ESRRG: variants seen among roughly 807,000 people sequenced by gnomAD.
ESRRG encodes estrogen-related receptor gamma.
Under a neutral mutation model 44.0 loss-of-function variants are expected in ESRRG, and 13 were observed. That is an observed-to-expected ratio of 0.30 (90% CI 0.19 to 0.47). The LOEUF (loss-of-function observed/expected upper bound fraction) is 0.47, where lower values mean the gene tolerates loss of function less well. Among genes scored for constraint, ESRRG ranks in the 20% least tolerant of loss-of-function variants. The probability of loss-of-function intolerance (pLI) is 1.00; values close to 1 mark genes in which losing one functional copy is unlikely to be tolerated. For synonymous variants in ESRRG, 215 were observed against 214.6 expected (o/e 1.00, Z -0.02); for missense variants, 395 against 580.6 (o/e 0.68, Z 3.29).
intron 1 of ESRRG, among the ~76,000 whole-genome samples, chr1:217,041,169 G>A (rs779856469): frequency 1.3e-5 from 2 of 151,850 alleles, no homozygotes; most frequent in African/African-American, 4.8e-5. Flanking sequence ...AAAAAAACAC[G>A]AAATCACAGA....
At position 216,993,162 on chromosome 1, in the gene ESRRG, T is replaced by C. The variant is rs888862570; in HGVS notation, c.-105-53489A>G. On this transcript the variant is annotated intron_variant, in intron 1 of 7. Coordinates refer to the ESRRG transcript ENST00000359162. The stretch of plus-strand genomic sequence containing the variant: ...ATGAATGAATGAATGAGTTATTTTA[T>C]TCACACTTTAAAACAACTCTGCAAA... Among the ~76,000 whole-genome samples, 4 of 152,334 alleles carry C rather than the reference T, an allele frequency of 2.6e-5. No homozygotes were observed. The East Asian group carries it at 7.7e-4, about 29-fold the overall frequency.
chr1:216,563,358 C>T (rs749614847), intron 5 of ESRRG, among the ~76,000 whole-genome samples: 3 of 152,066 alleles, frequency 2.0e-5, no homozygotes, highest in Non-Finnish European at 2.9e-5. Flanking sequence ...ACATAGCTGG[C>T]GTATCATGAC....
At chr1:216,777,475 T>C (rs914909625) in intron 2 of ESRRG, among the ~76,000 whole-genome samples, 1 of 152,136 alleles carries the variant, frequency 6.6e-6, no homozygotes. Context: ...CTCATTTTGT[T>C]GAAGAGGTTT....
chr1:216,911,503 T>C (rs2060295497), intron 2 of ESRRG, among the ~76,000 whole-genome samples: 1 of 152,164 alleles, frequency 6.6e-6, no homozygotes, highest in South Asian at 2.1e-4. Context: ...CTCTGTATAA[T>C]GTTATAATGG....
intron 3 of ESRRG, among the ~76,000 whole-genome samples, chr1:216,626,963 C>T (rs1180254172): frequency 6.6e-6 from 1 of 152,116 alleles, no homozygotes; most frequent in South Asian, 2.1e-4. Flanking sequence ...TCTGCCAGAA[C>T]CTAAAAGACC....
At chr1:217,129,320 G>A (rs2092929817) in intron 1 of ESRRG, among the ~76,000 whole-genome samples, 1 of 152,176 alleles carries the variant, frequency 6.6e-6, no homozygotes, top group Non-Finnish European at 1.5e-5. Flanking sequence ...ATGGCTATCA[G>A]AAATAAAAGG....
At chr1:217,016,363 A>G (rs941244591) in intron 1 of ESRRG, among the ~76,000 whole-genome samples, 1 of 152,130 alleles carries the variant, frequency 6.6e-6, no homozygotes, top group African/African-American at 2.4e-5. Flanking sequence ...GTGATCCGAT[A>G]TGTGATCTTG....
At chr1:216,963,215 C>T (rs1180265788) in intron 1 of ESRRG, among the ~76,000 whole-genome samples, 1 of 152,128 alleles carries the variant, frequency 6.6e-6, no homozygotes, top group African/African-American at 2.4e-5. Context: ...GGAAATGAGT[C>T]TATGAAATTA....
At chr1:216,612,290 C>T (rs1258437595) in intron 3 of ESRRG, among the ~76,000 whole-genome samples, 1 of 151,382 alleles carries the variant, frequency 6.6e-6, no homozygotes, top group Non-Finnish European at 1.5e-5. Flanking sequence ...CTAATGGTAG[C>T]AATCTGTATA....
chr1:216,659,306 C>T (rs1470564040), intron 2 of ESRRG, among the ~76,000 whole-genome samples: 1 of 152,120 alleles, frequency 6.6e-6, no homozygotes, highest in Non-Finnish European at 1.5e-5. Flanking sequence ...AAGATTTTGT[C>T]CTTGCAACAC....
Position 216,648,100 on chromosome 1 carries a change from G to A in ESRRG, c.589+2873C>T, listed in dbSNP as rs545637936. The stretch of plus-strand genomic sequence containing the variant: ...ATCATGTTCTCTGACATACTTCATG[G>A]GACTGAAATCCCTCTCCATCCATAA... On this transcript the variant is annotated intron_variant, in intron 3 of 6. Coordinates refer to ENST00000408911, the MANE Select transcript of ESRRG (RefSeq NM_001438.4). Among the ~76,000 whole-genome samples the A allele has an allele frequency of 1.4e-4, 22 of 152,092 alleles. No homozygotes were observed. The South Asian group carries it at 3.9e-3, about 27-fold the overall frequency.
intron 2 of ESRRG, among the ~76,000 whole-genome samples, chr1:216,741,007 C>T (rs1456021477): frequency 2.6e-5 from 4 of 151,600 alleles, no homozygotes; most frequent in Admixed American, 6.6e-5. Flanking sequence ...AAGTCATATA[C>T]GAAATTGGTT....
At chr1:216,824,987 C>T (rs1234105936) in intron 2 of ESRRG, among the ~76,000 whole-genome samples, 3 of 152,160 alleles carry the variant, frequency 2.0e-5, no homozygotes, top group Non-Finnish European at 4.4e-5. Flanking sequence ...ATCAGGAGGT[C>T]TGTAGTCTAC....
At chr1:217,118,701 T>C (rs942275609) in intron 1 of ESRRG, among the ~76,000 whole-genome samples, 4 of 152,168 alleles carry the variant, frequency 2.6e-5, no homozygotes, top group South Asian at 4.1e-4. Context: ...CTTTAAAATG[T>C]AGATTTCAGG....
At chr1:216,672,688 G>T (rs368959663) in intron 2 of ESRRG, among the ~76,000 whole-genome samples, 1 of 151,790 alleles carries the variant, frequency 6.6e-6, no homozygotes, top group South Asian at 2.1e-4. Context: ...GGCAACATAG[G>T]GAGATCCCGT....
At chr1:217,011,200 C>T (rs1323920680) in intron 1 of ESRRG, among the ~76,000 whole-genome samples, 1 of 152,150 alleles carries the variant, frequency 6.6e-6, no homozygotes, top group African/African-American at 2.4e-5. Context: ...TGACACATTG[C>T]CTGACTATCA....
At position 216,757,433 on chromosome 1, in the gene ESRRG, C is replaced by A. The variant is rs552843116; in HGVS notation, c.-13-79942G>T. On this transcript the variant is annotated intron_variant, in intron 2 of 7. Coordinates refer to the ESRRG transcript ENST00000359162. ...TAAAACACTTTTCATTAATATATTT[C>A]TTTGTGTATAAAACAAAAGCTTAAT... 2.6e-5 allele frequency among the ~76,000 whole-genome samples: 4 copies of A among 152,138 alleles called. No homozygotes were observed. The South Asian group carries it at 8.3e-4, about 32-fold the overall frequency.
At chr1:216,514,655 G>A (rs1250717702) in intron 6 of ESRRG, among the ~76,000 whole-genome samples, 1 of 152,046 alleles carries the variant, frequency 6.6e-6, no homozygotes, top group Non-Finnish European at 1.5e-5. Context: ...ATAATTATTT[G>A]TGGAATAGAA....
chr1:216,961,515 A>G (rs2069050602), intron 1 of ESRRG, among the ~76,000 whole-genome samples: 1 of 151,640 alleles, frequency 6.6e-6, no homozygotes, highest in Non-Finnish European at 1.5e-5. Flanking sequence ...TTTTAAGTAT[A>G]TTCCTACATT....
Sources: allele counts gnomAD v4.1 joint callset (sites outside exome capture counted in the v4.1 genomes callset), GRCh38; gene constraint gnomAD v4.1.1; transcripts MANE v1.5; gene names NCBI Gene and HGNC (gene_info 2026-07-23, HGNC 2026-07-21).